The following PLIN3 variants were observed in gnomAD, a reference collection of about 807,000 sequenced individuals.
PLIN3 encodes the protein perilipin 3.
A neutral mutation model predicts 35.9 loss-of-function variants in PLIN3; 30 were observed. The ratio of observed to expected loss-of-function variants is 0.84; its 90% CI spans 0.62 to 1.13. The LOEUF (loss-of-function observed/expected upper bound fraction) is 1.13, where lower values mean the gene tolerates loss of function less well. Ranked by LOEUF, PLIN3 falls within the 50% of genes most tolerant of loss-of-function variation. The probability of loss-of-function intolerance (pLI) is 0.00; values close to 1 mark genes in which losing one functional copy is unlikely to be tolerated. For synonymous variants in PLIN3, 261 were observed against 262.5 expected (o/e 0.99, Z 0.06); for missense variants, 603 against 596.9 (o/e 1.01, Z -0.11).
chr19:4,861,464 G>A lies in PLIN3; in HGVS notation c.-17-53C>T, dbSNP rs182892192. On this transcript the variant is annotated intron_variant, in intron 1 of 7. Transcript: ENST00000221957. Reference sequence around the variant, plus strand: ...GCCTGCCTGGCCCCACCTTCCAGGAGAAAGTCCAGGCCCACGCTGCAGCTG... The same window carrying A: ...GCCTGCCTGGCCCCACCTTCCAGGAAAAAGTCCAGGCCCACGCTGCAGCTG... 1.6e-3 allele frequency: 2,154 copies of A among 1,306,640 alleles called. 36 individuals carry two copies. In the African/African-American group the frequency reaches 0.028, roughly 17 times the overall value. 80.9% of individuals were successfully genotyped at this position (1,306,640 alleles called of 1,614,324 possible).
chr19:4,853,902 G>C (rs1212034345), intron 4 of PLIN3, among the ~76,000 whole-genome samples: 1 of 149,844 alleles, frequency 6.7e-6, no homozygotes, highest in African/African-American at 2.5e-5. Context: ...GCGCTCATCT[G>C]TCAATACCTG....
chr19:4,864,961 G>A (rs896893760), intron 1 of PLIN3, among the ~76,000 whole-genome samples: 4 of 152,142 alleles, frequency 2.6e-5, no homozygotes, highest in African/African-American at 9.6e-5. Flanking sequence ...GGAGGCTGAG[G>A]TGGGTGGATC....
intron 4 of PLIN3, among the ~76,000 whole-genome samples, chr19:4,858,082 G>A (rs2030531643): frequency 6.6e-6 from 1 of 151,660 alleles, no homozygotes; most frequent in Admixed American, 6.6e-5. Flanking sequence ...AGACCATCCT[G>A]GCCAACTTGG....
chr19:4,847,902 A>G lies in PLIN3; in HGVS notation c.635-12T>C. On this transcript the variant is annotated splice_polypyrimidine_tract_variant and intron_variant, in intron 5 of 7. Transcript: ENST00000221957. ...TGTGGCGATGCGGGCTGCAAGGAAAAGGAGAAGGGTCTCTGTGAAGACCAG... is the reference window on the plus strand; with the variant it reads ...TGTGGCGATGCGGGCTGCAAGGAAAGGGAGAAGGGTCTCTGTGAAGACCAG... 1 of 1,606,842 alleles carries G rather than the reference A, an allele frequency of 6.2e-7. No individual in the cohort carries two copies. The highest frequency in any genetic ancestry group is 8.5e-7 in the Non-Finnish European group (1 of 1,174,926).
intron 4 of PLIN3, among the ~76,000 whole-genome samples, chr19:4,855,161 G>A (rs927507153): frequency 6.8e-6 from 1 of 146,810 alleles, no homozygotes; most frequent in African/African-American, 2.5e-5. Flanking sequence ...GAGGCAGGAG[G>A]ATCACTTGAA....
At position 4,844,769 on chromosome 19, in the gene PLIN3, C is replaced by T; in HGVS notation, c.859G>A (p.Asp287Asn). Residue 287 changes from aspartate (D) to asparagine (N), a missense_variant, in exon 7 of 8, where the codon GAT becomes AAT. Transcript: ENST00000221957. ...TCCTGGCCTTCCACCAGCTTCTGATCAACGCCTTGCTTGACAGTTTCCATC... is the reference window on the plus strand; with the variant it reads ...TCCTGGCCTTCCACCAGCTTCTGATTAACGCCTTGCTTGACAGTTTCCATC... ...SLMETVKQGV[D>N]QKLVEGQEKL... The T allele has an allele frequency of 6.2e-7, 1 of 1,601,392 alleles. No individual in the cohort carries two copies. The highest frequency in any genetic ancestry group is 8.5e-7 in the Non-Finnish European group (1 of 1,174,208).
rs758721515 is a variant in PLIN3 at position 4,839,526 on chromosome 19, G to C, written c.971C>G (p.Ser324Cys). The C allele has an allele frequency of 6.6e-7, 1 of 1,523,956 alleles. No homozygotes were observed. The allele number at this position is 1,523,956 out of a possible 1,614,324, so 94.4% of individuals were successfully genotyped here. A position where few individuals can be genotyped will look rare whatever the true frequency, so the allele number is the denominator to read the frequency against. Residue 324 changes from serine to cysteine, a missense_variant, in exon 8 of 8, where the codon TCC (serine) becomes TGC (cysteine). By Grantham distance (112) the Ser-to-Cys change is moderately radical. Transcript: ENST00000221957. ...KEPPKPEQVE[S>C]RALTMFRDIA... ...GTCCCGGAACATGGTGAGCGCCCGG[G>C]ACTCGACCTGCTGAGAAGGGAGATG...
Position 4,852,091 on chromosome 19 carries a change from T to C in PLIN3, c.559A>G (p.Ser187Gly). The C allele has an allele frequency of 1.2e-6, 2 of 1,613,912 alleles. No homozygotes were observed. The highest frequency in any genetic ancestry group is 2.2e-5 in the South Asian group (2 of 91,082). Residue 187 changes from serine (S) to glycine (G), a missense_variant, in exon 5 of 8, where the codon AGT becomes GGT. Transcript: ENST00000221957. ...TTCCCCAGCACCGTGTCGACCCCAC[T>C]CAACACCATCTGGCCCAAGCGGGAG... ...MGSRLGQMVL[S>G]GVDTVLGKSE... is the part of the protein sequence containing the mutation.
chr19:4,843,676 T>TA (rs1044725010), intron 7 of PLIN3, among the ~76,000 whole-genome samples: 8 of 146,808 alleles, frequency 5.4e-5, no homozygotes, highest in African/African-American at 1.3e-4. Context: ...TACTAAAAAT[T>TA]AAAAAAAAAA....
intron 6 of PLIN3, among the ~76,000 whole-genome samples, chr19:4,845,793 G>A (rs986665381): frequency 1.3e-5 from 2 of 150,126 alleles, no homozygotes; most frequent in Non-Finnish European, 3.0e-5. Flanking sequence ...GCGTGGTGGT[G>A]GGCGCCTGTA....
intron 4 of PLIN3, among the ~76,000 whole-genome samples, chr19:4,853,822 A>C (rs1446246369): frequency 2.6e-5 from 4 of 151,884 alleles, no homozygotes; most frequent in East Asian, 1.9e-4. Flanking sequence ...CCAAAAAAAA[A>C]CAAAAACAAA....
intron 7 of PLIN3, among the ~76,000 whole-genome samples, chr19:4,839,766 C>T (rs532430768): frequency 8.1e-4 from 121 of 149,314 alleles, no homozygotes; most frequent in East Asian, 1.4e-3. Context: ...CTCAGGTTCG[C>T]GCCATTCTCC....
In PLIN3 at chr19:4,844,730, T is replaced by C; in HGVS notation, c.898A>G (p.Met300Val). The change falls in exon 7 of 8, where the codon ATG (methionine) becomes GTG (valine). Residue 300 changes from methionine (M) to valine (V), a missense_variant. Coordinates refer to ENST00000221957, the MANE Select transcript of PLIN3 (RefSeq NM_005817.5). Reference protein sequence around the residue: ...LVEGQEKLHQMWLSWNQKQLQ... With the variant: ...LVEGQEKLHQVWLSWNQKQLQ... ...TGCTTCTGGTTCCAGCTGAGCCACA[T>C]CTGGTGCAGCTTCTCCTGGCCTTCC... 1 of 1,606,354 alleles carries C rather than the reference T, an allele frequency of 6.2e-7. No individual in the cohort carries two copies. The highest frequency in any genetic ancestry group is 1.1e-5 in the South Asian group (1 of 89,440).
intron 4 of PLIN3, among the ~76,000 whole-genome samples, chr19:4,858,625 G>A (rs1028683529): frequency 5.3e-5 from 8 of 150,128 alleles, no homozygotes; most frequent in African/African-American, 1.7e-4. Flanking sequence ...CTTGTGATCC[G>A]CCCACCTCAG....
intron 1 of PLIN3, among the ~76,000 whole-genome samples, chr19:4,864,237 C>T (rs920146461): frequency 6.6e-6 from 1 of 151,338 alleles, no homozygotes; most frequent in African/African-American, 2.4e-5. Flanking sequence ...ACTGTAACCT[C>T]CGCCTTCTGG....
chr19:4,858,374 T>G (rs1446541199), intron 4 of PLIN3, among the ~76,000 whole-genome samples: 2 of 150,254 alleles, frequency 1.3e-5, no homozygotes, highest in African/African-American at 2.4e-5. Context: ...GAACATGGTG[T>G]TTTTTTTGTT....
At chr19:4,855,177 G>A (rs2030431109) in intron 4 of PLIN3, among the ~76,000 whole-genome samples, 1 of 150,574 alleles carries the variant, frequency 6.6e-6, no homozygotes, top group Non-Finnish European at 1.5e-5. Flanking sequence ...TTGAACCCAG[G>A]AGGCAGAGGT....
intron 1 of PLIN3, among the ~76,000 whole-genome samples, chr19:4,864,627 C>CT (rs1236273998): frequency 1.3e-5 from 2 of 151,836 alleles, no homozygotes; most frequent in African/African-American, 2.4e-5. Flanking sequence ...AAAATTTAGG[C>CT]TTTTTTTAAA....
At chr19:4,862,129 TTATC>T (rs1321738338) in intron 1 of PLIN3, among the ~76,000 whole-genome samples, 5 of 134,448 alleles carry the variant, frequency 3.7e-5, no homozygotes, top group Non-Finnish European at 6.5e-5. Flanking sequence ...GGTAGAGATG[TTATC>T]TTTTTTTTTT....
Sources: gnomAD v4.1 joint callset for allele counts (sites outside exome capture counted in the v4.1 genomes callset) on GRCh38, gnomAD v4.1.1 for gene constraint, MANE v1.5 for transcripts, NCBI Gene and HGNC (gene_info 2026-07-23, HGNC 2026-07-21) for gene names.